MBTPS1: variants seen among roughly 807,000 people sequenced by gnomAD.
MBTPS1 encodes membrane-bound transcription factor site-1 protease.
MBTPS1 carries 94 observed loss-of-function variants against 127.8 expected under a neutral mutation model. The ratio of observed to expected loss-of-function variants is 0.74; its 90% CI spans 0.62 to 0.87. The LOEUF is 0.87. MBTPS1 is among the 40% of genes least tolerant of loss of function. MBTPS1 has a pLI of 0.00. For synonymous variants in MBTPS1, 632 were observed against 509.4 expected (o/e 1.24, Z -3.24); for missense variants, 1,636 against 1,353.2 (o/e 1.21, Z -3.28).
rs191899167 is a variant in MBTPS1, at chr16:84,056,140, A to T, written c.2832-5T>A. The T allele has an allele frequency of 6.2e-7, 1 of 1,612,904 alleles. No individual in the cohort carries two copies. Among genetic ancestry groups the T allele is most frequent in the Admixed American group, 1.7e-5 (1 of 59,976 alleles). ...TTCTGATGTTTCCAAAGGTTACTTC[A>T]GGAAAATGGATTAAAACAAAACAAA... On this transcript the variant is annotated splice_region_variant and splice_polypyrimidine_tract_variant and intron_variant, in intron 21 of 22. Coordinates refer to ENST00000343411, the MANE Select transcript of MBTPS1 (RefSeq NM_003791.4).
intron 7 of MBTPS1, 135 bp downstream of exon 7, chr16:84,091,597 G>T (rs188065662): frequency 4.6e-6 from 3 of 645,212 alleles, no homozygotes; most frequent in Non-Finnish European, 8.5e-6. Flanking sequence ...TGAAGCTCAC[G>T]TCATTAGCCA....
In MBTPS1 at chr16:84,063,432, T is replaced by A. The variant is rs779368224; in HGVS notation, c.2445A>T (p.Leu815Phe). ...TTTCAACAACTGCTGTTTCCTGCTT[T>A]AAAACCTCCAATCCTGAAACAACAC... ...QTFKDQGLEV[L>F]KQETAVVENV... The change falls in exon 19 of 23, where the codon TTA (leucine) becomes TTT (phenylalanine). Residue 815 changes from leucine (L) to phenylalanine (F), a missense_variant. Coordinates refer to ENST00000343411, the MANE Select transcript of MBTPS1 (RefSeq NM_003791.4). 9.3e-6 allele frequency: 15 copies of A among 1,614,006 alleles called. No homozygotes were observed. In the Admixed American group the frequency reaches 1.8e-4, roughly 20 times the overall value.
At chr16:84,078,099 GCACAC>G (rs1388551028) in intron 11 of MBTPS1, among the ~76,000 whole-genome samples, 1 of 80,626 alleles carries the variant, frequency 1.2e-5, no homozygotes, top group Non-Finnish European at 3.0e-5. Flanking sequence ...CGGCACTCAC[GCACAC>G]TGCTCACGCA....
rs375602232 is a variant in MBTPS1, at chr16:84,066,350, G to A, written c.2353+139C>T. The A allele has an allele frequency of 1.3e-5, 11 of 854,702 alleles. No homozygotes were observed. The African/African-American group carries it at 1.9e-4, about 15-fold the overall frequency. The allele number at this position is 854,702 out of a possible 1,614,324, so 52.9% of individuals were successfully genotyped here. A position where few individuals can be genotyped will look rare whatever the true frequency, so the allele number is the denominator to read the frequency against. ...ACTAGAGCCTCACAGATGTACTTTT[G>A]AAAATACTGGTGAGTTCTTTCCACA... On this transcript the variant is annotated intron_variant, in intron 17 of 22. Coordinates refer to ENST00000343411, the MANE Select transcript of MBTPS1 (RefSeq NM_003791.4).
intron 1 of MBTPS1, among the ~76,000 whole-genome samples, chr16:84,111,055 C>A (rs1430551539): frequency 6.6e-6 from 1 of 152,218 alleles, no homozygotes; most frequent in Non-Finnish European, 1.5e-5. Flanking sequence ...ATGCTCACAT[C>A]CTCATTCCTA....
In MBTPS1 at chr16:84,095,683, T is replaced by G; in HGVS notation, c.544A>C (p.Ser182Arg). 1 of 1,614,196 alleles carries G rather than the reference T, an allele frequency of 6.2e-7. No homozygotes were observed. Among genetic ancestry groups the G allele is most frequent in the East Asian group, 2.2e-5 (1 of 44,884 alleles). ...GFWHATGRHS[S>R]RRLLRAIPRQ... is the part of the protein sequence containing the mutation. Reference sequence around the variant, plus strand: ...GGGATGGCTCTCAGCAGCCGTCTGCTCGAATGCCTTCCCGTAGCATGCCAG... The same window carrying G: ...GGGATGGCTCTCAGCAGCCGTCTGCGCGAATGCCTTCCCGTAGCATGCCAG... Residue 182 changes from serine (S) to arginine (R), a missense_variant, in exon 4 of 23, where the codon AGC (serine) becomes CGC (arginine). Ser to Arg is a moderately radical substitution (Grantham distance 110, BLOSUM62 -1). Coordinates refer to ENST00000343411, the MANE Select transcript of MBTPS1 (RefSeq NM_003791.4).
rs1391395734 is a variant in MBTPS1, at chr16:84,059,495, GAGGGCCTT to G, written c.2705-75_2705-68del. On this transcript the variant is annotated intron_variant, in intron 20 of 22. Transcript: ENST00000343411. ...TATTACTAAAATGCAAAGGAAAAAG[GAGGGCCTT>G]ATTATGAGTCTGTCTGCTTTCCCAC... 5 of 1,488,258 alleles carry G rather than the reference GAGGGCCTT, an allele frequency of 3.4e-6. No homozygotes were observed. In the East Asian group the frequency reaches 1.2e-4, roughly 34 times the overall value. 92.2% of individuals were successfully genotyped at this position (1,488,258 alleles called of 1,614,324 possible).
chr16:84,065,509 T>G (rs73243074), intron 18 of MBTPS1, among the ~76,000 whole-genome samples, 181 bp downstream of exon 18: 4,531 of 152,270 alleles, frequency 0.03, 209 homozygotes, highest in African/African-American at 0.1. Flanking sequence ...TTCCACAATT[T>G]TGTAAATACA....
At chr16:84,089,104 G>A (rs932375462) in intron 8 of MBTPS1, among the ~76,000 whole-genome samples, 3 of 152,252 alleles carry the variant, frequency 2.0e-5, no homozygotes, top group Admixed American at 2.0e-4. Context: ...ATCCAGACAG[G>A]TATGGCCAGG....
At chr16:84,093,439 C>T (rs999203193) in intron 5 of MBTPS1, 142 bp from the exon 6 acceptor site, 6 of 665,348 alleles carry the variant, frequency 9.0e-6, no homozygotes, top group Admixed American at 4.9e-5. Context: ...CTACGATCCC[C>T]TTAGACGTCA....
intron 1 of MBTPS1, among the ~76,000 whole-genome samples, chr16:84,110,022 T>G (rs1180713803): frequency 6.6e-6 from 1 of 152,186 alleles, no homozygotes; most frequent in Non-Finnish European, 1.5e-5. Flanking sequence ...GTTCAGCCTG[T>G]TTCCAAAACA....
intron 10 of MBTPS1, 54 bp downstream of exon 10, chr16:84,084,929 C>G (rs1031616155): frequency 2.5e-6 from 4 of 1,575,964 alleles, no homozygotes; most frequent in African/African-American, 1.3e-5. Context: ...CTGCTGGCAC[C>G]GAGTGCTCCT....
intron 21 of MBTPS1, 127 bp from the exon 22 acceptor site, chr16:84,056,262 G>T: frequency 1.4e-6 from 1 of 712,590 alleles, no homozygotes; most frequent in Non-Finnish European, 2.3e-6. Context: ...AATGCCATTT[G>T]CGTCCACGGC....
chr16:84,075,293 C>G (rs1342297403), intron 11 of MBTPS1: 2 of 152,220 alleles, frequency 1.3e-5, no homozygotes, highest in Non-Finnish European at 1.5e-5. Flanking sequence ...CAGGCTGAGT[C>G]CCGTGAGCCC....
At chr16:84,064,558 C>G (rs2085654855) in intron 18 of MBTPS1, among the ~76,000 whole-genome samples, 1 of 152,162 alleles carries the variant, frequency 6.6e-6, no homozygotes, top group Non-Finnish European at 1.5e-5. Flanking sequence ...AAGCACATAT[C>G]CTTAAATCTA....
At chr16:84,109,394 A>T (rs2086368727) in intron 1 of MBTPS1, 1 of 152,230 alleles carries the variant, frequency 6.6e-6, no homozygotes, top group African/African-American at 2.4e-5. Flanking sequence ...AGATATTTAC[A>T]TCATGTCAAA....
chr16:84,088,084 T>C (rs1406296073), intron 8 of MBTPS1, among the ~76,000 whole-genome samples: 1 of 152,002 alleles, frequency 6.6e-6, no homozygotes, highest in Non-Finnish European at 1.5e-5. Context: ...GCAAAGAAAT[T>C]ATAGTGAAAT....
intron 18 of MBTPS1, among the ~76,000 whole-genome samples, 157 bp from the exon 19 acceptor site, chr16:84,063,602 T>C (rs1405946596): frequency 6.6e-6 from 1 of 152,246 alleles, no homozygotes; most frequent in African/African-American, 2.4e-5. Context: ...GCCTTAAGAA[T>C]AAGCCTTTTA....
intron 4 of MBTPS1, among the ~76,000 whole-genome samples, chr16:84,094,137 C>G (rs1417751856): frequency 9.2e-5 from 14 of 152,070 alleles, no homozygotes; most frequent in Admixed American, 9.2e-4. Context: ...TCCTAGCGGG[C>G]TTCTCAAGGC....
Sources: gnomAD v4.1 joint callset for allele counts (sites outside exome capture counted in the v4.1 genomes callset) on GRCh38, gnomAD v4.1.1 for gene constraint, MANE v1.5 for transcripts, NCBI Gene and HGNC (gene_info 2026-07-23, HGNC 2026-07-21) for gene names.